Variants in ANXA8L1 observed in about 807,000 individuals in gnomAD.
ANXA8L1 encodes annexin A8-like protein 1.
Under a neutral mutation model 22.5 loss-of-function variants are expected in ANXA8L1, and 10 were observed. The ratio of observed to expected loss-of-function variants is 0.44; its 90% confidence interval spans 0.27 to 0.75. The LOEUF (loss-of-function observed/expected upper bound fraction) is 0.75, where lower values mean the gene tolerates loss of function less well. Among genes scored for constraint, ANXA8L1 ranks in the 30% least tolerant of loss-of-function variants. The pLI is 0.15. For synonymous variants in ANXA8L1, 36 were observed against 86.0 expected, an observed-to-expected ratio of 0.42 and a Z score of 3.22; for missense variants, 88 against 219.6, an observed-to-expected ratio of 0.40 and a Z score of 3.79.
chr10:46,389,626 C>T (rs1439109287), intron 11 of ANXA8L1, among the ~76,000 whole-genome samples: 1 of 150,968 alleles, frequency 6.6e-6, no homozygotes, highest in Non-Finnish European at 1.5e-5. Flanking sequence ...AATTAAGAGG[C>T]AAATGTATAA....
chr10:46,385,494 G>A lies in ANXA8L1; in HGVS notation c.646+21G>A, dbSNP rs1237441142. On this transcript the variant is annotated intron_variant, in intron 8 of 11. Transcript: ENST00000619162. ...GAGAGGTACCAGGGAGGGAGGGGCT[G>A]GGGCCGGGGCCACAGGGGTGTCCTG... 5.2e-5 allele frequency: 68 copies of A among 1,297,414 alleles called. 17 individuals carry two copies. In the Admixed American group the frequency reaches 9.5e-4, roughly 18 times the overall value. The allele number at this position is 1,297,414 out of a possible 1,614,324, so 80.4% of individuals were successfully genotyped here.
chr10:46,378,211 A>G (rs1309042831), intron 1 of ANXA8L1, among the ~76,000 whole-genome samples: 2 of 126,098 alleles, frequency 1.6e-5, no homozygotes, highest in Non-Finnish European at 3.3e-5. Flanking sequence ...CTGGTGCACC[A>G]CAGCCCCCGA....
chr10:46,390,563 G>T (rs1439461802), intron 11 of ANXA8L1, among the ~76,000 whole-genome samples: 2 of 145,774 alleles, frequency 1.4e-5, no homozygotes, highest in Non-Finnish European at 3.0e-5. Context: ...GGGCACCCTG[G>T]CTCCCGAATA....
chr10:46,389,355 G>C (rs1840050017), intron 11 of ANXA8L1, among the ~76,000 whole-genome samples: 1 of 125,122 alleles, frequency 8.0e-6, no homozygotes, highest in African/African-American at 3.3e-5. Context: ...CACCAGCCTG[G>C]ACTGTGCTGT....
At position 46,384,836 on chromosome 10, in the gene ANXA8L1, G is replaced by A. The variant is rs1367121328; in HGVS notation, c.552+3G>A. 8.7e-5 allele frequency: 141 copies of A among 1,612,870 alleles called. 5 individuals are homozygous for A. The African/African-American group carries it at 1.5e-3, about 17-fold the overall frequency. On this transcript the variant is annotated splice_donor_region_variant and intron_variant, in intron 7 of 11. Transcript: ENST00000619162. Reference sequence around the variant, plus strand: ...CACTGGCCCTCCAAGACGCACAGGTGAGGCTGCGCCCAGCCGGCCATGTGG... The same window carrying A: ...CACTGGCCCTCCAAGACGCACAGGTAAGGCTGCGCCCAGCCGGCCATGTGG...
intron 1 of ANXA8L1, among the ~76,000 whole-genome samples, chr10:46,378,252 T>A (rs1379418447): frequency 7.0e-6 from 1 of 142,634 alleles, no homozygotes; most frequent in African/African-American, 2.8e-5. Context: ...CGGCAGGCAC[T>A]GAGAGCTGAG....
At chr10:46,384,690 A>C in intron 6 of ANXA8L1, 84 bp from the exon 7 acceptor site, 1 of 1,604,992 alleles carries the variant, frequency 6.2e-7, no homozygotes, top group South Asian at 1.1e-5. Context: ...AGCCATGCCT[A>C]CCCTCCAAGC....
chr10:46,385,275 A>T (rs1840023300), intron 7 of ANXA8L1, 105 bp from the exon 8 acceptor site: 1 of 458,496 alleles, frequency 2.2e-6, no homozygotes, highest in African/African-American at 5.8e-5. Context: ...CTGGCCTGGC[A>T]GAGTGGACAG....
At chr10:46,382,948 G>A (rs1382121833) in intron 4 of ANXA8L1, among the ~76,000 whole-genome samples, 19 of 65,242 alleles carry the variant, frequency 2.9e-4, no homozygotes, top group Admixed American at 2.6e-3. Context: ...AACCTCACGA[G>A]CTCAGGTGTA....
chr10:46,389,350 G>C (rs1274398269), intron 11 of ANXA8L1, among the ~76,000 whole-genome samples: 1 of 125,136 alleles, frequency 8.0e-6, no homozygotes, highest in African/African-American at 3.3e-5. Context: ...GCACACACCA[G>C]CCTGGACTGT....
At position 46,390,912 on chromosome 10, in the gene ANXA8L1, G is replaced by A. The variant is rs1424603442; in HGVS notation, c.966G>A (p.Leu322=). ...ACTACAAGAACGCCCTGCTGAGCCT[G>A]GTGGGCAGCGACCCCTGAGGCACAG... The part of the protein sequence containing the change: ...SGDYKNALLS[L]VGSDP Residue 322 remains leucine (L), a synonymous_variant, in exon 12 of 12, where the codon CTG becomes CTA. Coordinates refer to ENST00000619162, the MANE Select transcript of ANXA8L1 (RefSeq NM_001098845.3). The A allele has an allele frequency of 5.7e-6, 8 of 1,398,522 alleles. 2 individuals are homozygous for A. Among genetic ancestry groups the A allele is most frequent in the Non-Finnish European group, 7.8e-6 (8 of 1,026,996 alleles). The allele number at this position is 1,398,522 out of a possible 1,614,324, so 86.6% of individuals were successfully genotyped here. A position where few individuals can be genotyped will look rare whatever the true frequency, so the allele number is the denominator to read the frequency against.
intron 6 of ANXA8L1, among the ~76,000 whole-genome samples, 199 bp downstream of exon 6, chr10:46,384,484 T>C (rs2133013054): frequency 9.4e-6 from 1 of 106,096 alleles, no homozygotes; most frequent in East Asian, 2.0e-4. Context: ...TACTCAGCCA[T>C]GTGAGAGCAT....
chr10:46,378,788 G>A (rs1195145618), intron 1 of ANXA8L1, among the ~76,000 whole-genome samples: 2 of 98,952 alleles, frequency 2.0e-5, no homozygotes, highest in Non-Finnish European at 3.7e-5. Context: ...AGTTCAGAAA[G>A]ATGCCTTACC....
intron 11 of ANXA8L1, among the ~76,000 whole-genome samples, chr10:46,389,631 G>A (rs1273625914): frequency 3.3e-5 from 5 of 151,020 alleles, no homozygotes; most frequent in African/African-American, 4.9e-5. Context: ...AGAGGCAAAT[G>A]TATAAACACT....
intron 11 of ANXA8L1, among the ~76,000 whole-genome samples, chr10:46,390,548 T>C (rs1236323945): frequency 2.1e-5 from 3 of 146,164 alleles, no homozygotes; most frequent in Middle Eastern, 3.2e-3. Flanking sequence ...TGTAAATGAA[T>C]GGCTGGGCAC....
intron 5 of ANXA8L1, 130 bp downstream of exon 5, chr10:46,383,676 T>C: frequency 3.9e-6 from 1 of 253,358 alleles, no homozygotes; most frequent in South Asian, 2.4e-5. Flanking sequence ...TACCCACAGG[T>C]GCTGAGCACC....
chr10:46,384,984 G>T, intron 7 of ANXA8L1, 151 bp downstream of exon 7: 1 of 1,288,912 alleles, frequency 7.8e-7, no homozygotes, highest in Non-Finnish European at 1.1e-6. Context: ...GGGGAGGAGA[G>T]TGAGGGTGTT....
At position 46,385,331 on chromosome 10, in the gene ANXA8L1, C is replaced by T; in HGVS notation, c.553-49C>T. ...TCTGGGACTCTGGGGCTCAGTCCCT[C>T]ACCTCCCTGGTCTCCCTCACTGGCT... On this transcript the variant is annotated intron_variant, in intron 7 of 11. Coordinates refer to ENST00000619162, the MANE Select transcript of ANXA8L1 (RefSeq NM_001098845.3). The T allele has an allele frequency of 5.8e-6, 4 of 686,524 alleles. 1 individual carries two copies. In the South Asian group the frequency reaches 6.5e-5, roughly 11 times the overall value. The allele number at this position is 686,524 out of a possible 1,614,324, so 42.5% of individuals were successfully genotyped here. A position where few individuals can be genotyped will look rare whatever the true frequency, so the allele number is the denominator to read the frequency against.
At position 46,385,463 on chromosome 10, in the gene ANXA8L1, C is replaced by A; in HGVS notation, c.636C>A (p.His212Gln). The part of the protein sequence containing the change: ...ITILCTRSAT[H>Q]LLRVFEEYEK... ...TCCTGTGCACGCGCAGTGCCACTCACCTGCTGAGAGGTACCAGGGAGGGAG... is the reference window on the plus strand; with the variant it reads ...TCCTGTGCACGCGCAGTGCCACTCAACTGCTGAGAGGTACCAGGGAGGGAG... The change falls in exon 8 of 12, where the codon CAC becomes CAA. Residue 212 changes from histidine to glutamine, a missense_variant. Physicochemically the swap from His to Gln is conservative, Grantham distance 24 (BLOSUM62 0). Transcript: ENST00000619162. 7.9e-7 allele frequency: 1 copy of A among 1,262,328 alleles called. No individual in the cohort carries two copies. The highest frequency in any genetic ancestry group is 1.1e-6 in the Non-Finnish European group (1 of 918,794). The allele number at this position is 1,262,328 out of a possible 1,614,324, so 78.2% of individuals were successfully genotyped here. A position where few individuals can be genotyped will look rare whatever the true frequency, so the allele number is the denominator to read the frequency against.
Sources: allele counts gnomAD v4.1 joint callset (sites outside exome capture counted in the v4.1 genomes callset), GRCh38; gene constraint gnomAD v4.1.1; transcripts MANE v1.5; gene names NCBI Gene and HGNC (gene_info 2026-07-23, HGNC 2026-07-21).